The following MRPS23 variants were observed in gnomAD, a reference collection of about 807,000 sequenced individuals.
MRPS23 encodes small ribosomal subunit protein mS23.
A neutral mutation model predicts 19.8 loss-of-function variants in MRPS23; 14 were observed. The ratio of observed to expected loss-of-function variants is 0.71; its 90% CI spans 0.47 to 1.11. The LOEUF (loss-of-function observed/expected upper bound fraction) is 1.11, where lower values mean the gene tolerates loss of function less well. Among genes scored for constraint, MRPS23 ranks in the 50% least tolerant of loss-of-function variants. The pLI is 0.00. For missense variants in MRPS23, 242 were observed against 236.7 expected (o/e 1.02, Z -0.15); for synonymous variants, 113 against 89.7 (o/e 1.26, Z -1.47).
At chr17:57,846,497 AAG>A (rs904909578) in intron 2 of MRPS23, among the ~76,000 whole-genome samples, 7 of 152,242 alleles carry the variant, frequency 4.6e-5, no homozygotes, top group African/African-American at 1.4e-4. Flanking sequence ...GGGGAAAAGA[AAG>A]AGAGATCAGA....
At chr17:57,846,885 TCCGAGAAACAC>T (rs2073779584) in intron 2 of MRPS23, among the ~76,000 whole-genome samples, 1 of 144,196 alleles carries the variant, frequency 6.9e-6, no homozygotes, top group South Asian at 2.2e-4. Context: ...AATCCCCCTC[TCCGAGAAACAC>T]CCAAGAATGA....
At chr17:57,840,680 A>C in intron 4 of MRPS23, 3 of 367,772 alleles carry the variant, frequency 8.2e-6, no homozygotes, top group Non-Finnish European at 1.4e-5. Flanking sequence ...AAAAATATAA[A>C]TTTTTAAAAA....
chr17:57,846,205 T>TG (rs1471995411), intron 2 of MRPS23, among the ~76,000 whole-genome samples: 1 of 137,012 alleles, frequency 7.3e-6, no homozygotes, highest in Middle Eastern at 4.1e-3. Flanking sequence ...GGGAGGGAGG[T>TG]GGGGGGCAGC....
At chr17:57,842,318 T>A (rs576877779) in intron 2 of MRPS23, among the ~76,000 whole-genome samples, 1 of 152,294 alleles carries the variant, frequency 6.6e-6, no homozygotes, top group East Asian at 1.9e-4. Context: ...CCAGCCCACA[T>A]TTAACATTTT....
chr17:57,840,951 A>G lies in MRPS23; in HGVS notation c.395T>C (p.Leu132Ser). ...AGTCCTTGCTTCGCCTACTCGTCTT[A>G]AAATGACACCTTCTGCCAATAAAGC... ...GKALLAEGVILRRVGEARTQH... is the reference protein window; with the variant it reads ...GKALLAEGVISRRVGEARTQH... The change falls in exon 4 of 5, where the codon TTA becomes TCA. Residue 132 changes from leucine (L) to serine (S), a missense_variant. By Grantham distance (145) the Leu-to-Ser change is moderately radical (BLOSUM62 -2). Coordinates refer to ENST00000313608, the MANE Select transcript of MRPS23 (RefSeq NM_016070.4). 1 of 1,614,196 alleles carries G rather than the reference A, an allele frequency of 6.2e-7. No individual in the cohort carries two copies. The highest frequency in any genetic ancestry group is 1.1e-5 in the South Asian group (1 of 91,072).
intron 2 of MRPS23, 80 bp from the exon 3 acceptor site, chr17:57,841,340 G>A: frequency 6.8e-7 from 1 of 1,469,280 alleles, no homozygotes. Context: ...TAAAGAATAA[G>A]TGCTAGGCAC....
At chr17:57,847,163 T>C (rs991246952) in intron 2 of MRPS23, among the ~76,000 whole-genome samples, 21 of 150,834 alleles carry the variant, frequency 1.4e-4, no homozygotes, top group Non-Finnish European at 2.5e-4. Flanking sequence ...CATGGTGGCG[T>C]GAGCCTGTAA....
At chr17:57,846,323 C>T (rs2073775129) in intron 2 of MRPS23, among the ~76,000 whole-genome samples, 1 of 150,890 alleles carries the variant, frequency 6.6e-6, no homozygotes, top group Admixed American at 6.6e-5. Context: ...CCGGCCACTG[C>T]CCCGTCCGGG....
intron 4 of MRPS23, among the ~76,000 whole-genome samples, chr17:57,840,443 C>T (rs1044433412): frequency 6.6e-6 from 1 of 151,684 alleles, no homozygotes; most frequent in Non-Finnish European, 1.5e-5. Context: ...TGACGACTCA[C>T]TTGTTTCAAG....
At chr17:57,848,008 A>C (rs2073787836) in intron 2 of MRPS23, among the ~76,000 whole-genome samples, 2 of 151,720 alleles carry the variant, frequency 1.3e-5, no homozygotes, top group African/African-American at 4.8e-5. Context: ...AGAAAAAAAA[A>C]ATTCTTAAAT....
chr17:57,843,608 G>A (rs1239015241), intron 2 of MRPS23, among the ~76,000 whole-genome samples: 2 of 152,142 alleles, frequency 1.3e-5, no homozygotes, highest in Admixed American at 1.3e-4. Flanking sequence ...GATGGGATTA[G>A]TGCCCCTATA....
chr17:57,846,150 G>A (rs1246008458), intron 2 of MRPS23, among the ~76,000 whole-genome samples: 3 of 148,216 alleles, frequency 2.0e-5, no homozygotes, highest in African/African-American at 7.3e-5. Context: ...GCCCCGTCTG[G>A]GAGGGAGGTA....
In MRPS23 at chr17:57,835,879, G is replaced by C. The variant is rs946476592; in HGVS notation, c.*3904C>G. ...CGCCTTGGATTCAGCAAATCCGTAGGAGGGTCTGCTCCTGAAAGGCTGTTT... is the reference window on the plus strand; with the variant it reads ...CGCCTTGGATTCAGCAAATCCGTAGCAGGGTCTGCTCCTGAAAGGCTGTTT... On this transcript the variant is annotated 3_prime_UTR_variant, in exon 5 of 5. Coordinates refer to ENST00000313608, the MANE Select transcript of MRPS23 (RefSeq NM_016070.4). 11 of 152,036 alleles carry C rather than the reference G, an allele frequency of 7.2e-5. No homozygotes were observed. The highest frequency in any genetic ancestry group is 2.7e-4 in the African/African-American group (11 of 41,392). 9.4% of individuals were successfully genotyped at this position (152,036 alleles called of 1,614,324 possible).
At position 57,849,310 on chromosome 17, in the gene MRPS23, G is replaced by A; in HGVS notation, c.145C>T (p.Pro49Ser). Residue 49 changes from proline to serine, a missense_variant, in exon 2 of 5, where the codon CCT (proline) becomes TCT (serine). Coordinates refer to ENST00000313608, the MANE Select transcript of MRPS23 (RefSeq NM_016070.4). ...PPLREPVFQR[P>S]RVRYGKAKAP... ...TTGGCTTTGCCATATCGCACTCGAG[G>A]CCTTTGGAAGACGGGCTCCCTCAGC... 1 of 1,614,186 alleles carries A rather than the reference G, an allele frequency of 6.2e-7. No homozygotes were observed.
chr17:57,848,451 T>G (rs1332774035), intron 2 of MRPS23, among the ~76,000 whole-genome samples: 2 of 151,740 alleles, frequency 1.3e-5, no homozygotes, highest in Non-Finnish European at 2.9e-5. Context: ...CTCGGCTCAC[T>G]GCAACCTCCA....
rs745839266 is a variant in MRPS23 at position 57,840,994 on chromosome 17, A to G, written c.352T>C (p.Phe118Leu). ...KLGETDEEKL[F>L]VETGKALLAE... Reference sequence around the variant, plus strand: ...AATAAAGCCTTCCCTGTTTCCACAAATAACTTCTCTTCATCTGTTTCTCCA... The same window carrying G: ...AATAAAGCCTTCCCTGTTTCCACAAGTAACTTCTCTTCATCTGTTTCTCCA... The change falls in exon 4 of 5, where the codon TTT (phenylalanine) becomes CTT (leucine). Residue 118 changes from phenylalanine (F) to leucine (L), a missense_variant. By Grantham distance (22) the Phe-to-Leu change is conservative. Coordinates refer to ENST00000313608, the MANE Select transcript of MRPS23 (RefSeq NM_016070.4). 6.2e-7 allele frequency: 1 copy of G among 1,614,206 alleles called. No homozygotes were observed. Among genetic ancestry groups the G allele is most frequent in the South Asian group, 1.1e-5 (1 of 91,086 alleles).
rs1175753442 is a variant in MRPS23 at position 57,849,328 on chromosome 17, C to G, written c.127G>C (p.Glu43Gln). The change falls in exon 2 of 5, where the codon GAG (glutamate) becomes CAG (glutamine). Residue 43 changes from glutamate (E) to glutamine (Q), a missense_variant. Coordinates refer to ENST00000313608, the MANE Select transcript of MRPS23 (RefSeq NM_016070.4). The part of the protein sequence containing the change: ...DVYDAFPPLR[E>Q]PVFQRPRVRY... ...ACTCGAGGCCTTTGGAAGACGGGCT[C>G]CCTCAGCGGGGGAAAGGCGTCATAT... The G allele has an allele frequency of 1.2e-6, 2 of 1,614,060 alleles. No individual in the cohort carries two copies. Among genetic ancestry groups the G allele is most frequent in the South Asian group, 2.2e-5 (2 of 91,090 alleles).
Position 57,838,289 on chromosome 17 carries a change from C to CAACAAAAAAAAA in MRPS23, c.*1493_*1494insTTTTTTTTTGTT, listed in dbSNP as rs2073718781. 3.4e-5 allele frequency: 1 copy of CAACAAAAAAAAA among 29,406 alleles called. No individual in the cohort carries two copies. The highest frequency in any genetic ancestry group is 6.8e-5 in the Non-Finnish European group (1 of 14,796). 1.8% of individuals were successfully genotyped at this position (29,406 alleles called of 1,614,324 possible). A position where few individuals can be genotyped will look rare whatever the true frequency, so the allele number is the denominator to read the frequency against. ...TGGGAAACAAAGTGATACTCCATCG[C>CAACAAAAAAAAA]AAAAAAAAAAAAAAAAAAAAAAAAA... On this transcript the variant is annotated 3_prime_UTR_variant, in exon 5 of 5. Coordinates refer to ENST00000313608, the MANE Select transcript of MRPS23 (RefSeq NM_016070.4).
rs568667367 is a variant in MRPS23 at position 57,846,888 on chromosome 17, G to A, written c.215+2352C>T. Among the ~76,000 whole-genome samples the A allele has an allele frequency of 1.4e-3, 199 of 144,772 alleles. 1 individual carries two copies. Among genetic ancestry groups the A allele is most frequent in the African/African-American group, 4.7e-3 (184 of 39,066 alleles). The allele number at this position is 144,772 out of a possible 152,430, so 95.0% of individuals were successfully genotyped here. ...ATGACCCTGCCAAATCCCCCTCTCC[G>A]AGAAACACCCAAGAATGATCAATAA... On this transcript the variant is annotated intron_variant, in intron 2 of 4. Transcript: ENST00000313608.
Sources: gnomAD v4.1 joint callset for allele counts (sites outside exome capture counted in the v4.1 genomes callset) on GRCh38, gnomAD v4.1.1 for gene constraint, MANE v1.5 for transcripts, NCBI Gene and HGNC (gene_info 2026-07-23, HGNC 2026-07-21) for gene names.